ROBO1: variants seen among roughly 807,000 people sequenced by gnomAD.
ROBO1 encodes roundabout homolog 1.
Under a neutral mutation model 195.9 loss-of-function variants are expected in ROBO1, and 149 were observed. The observed-to-expected ratio is 0.76, with a 90% CI of 0.67 to 0.87. ROBO1 has a LOEUF of 0.87. Among genes scored for constraint, ROBO1 ranks in the 40% least tolerant of loss-of-function variants. ROBO1 has a pLI of 0.00. For synonymous variants in ROBO1, 816 were observed against 733.2 expected, an observed-to-expected ratio of 1.11 and a Z score of -1.82; for missense variants, 1,933 against 2,068.3, an observed-to-expected ratio of 0.93 and a Z score of 1.27.
At chr3:79,727,570 G>A (rs1702974770) in intron 1 of ROBO1, among the ~76,000 whole-genome samples, 1 of 152,104 alleles carries the variant, frequency 6.6e-6, no homozygotes, top group Non-Finnish European at 1.5e-5. Flanking sequence ...TTGAAACCAT[G>A]AGTGTTTCTA....
chr3:79,673,167 T>C (rs1430766118), intron 1 of ROBO1, among the ~76,000 whole-genome samples: 1 of 152,008 alleles, frequency 6.6e-6, no homozygotes, highest in Non-Finnish European at 1.5e-5. Flanking sequence ...AATTGATTTG[T>C]TGTTTTATGT....
intron 2 of ROBO1, among the ~76,000 whole-genome samples, chr3:79,217,123 C>A (rs1157796888): frequency 6.6e-6 from 1 of 152,062 alleles, no homozygotes; most frequent in African/African-American, 2.4e-5. Flanking sequence ...ATACATAATT[C>A]TTGTTACAGT....
intron 2 of ROBO1, among the ~76,000 whole-genome samples, chr3:79,248,288 C>T (rs2082660021): frequency 7.0e-6 from 1 of 142,556 alleles, no homozygotes; most frequent in Non-Finnish European, 1.5e-5. Flanking sequence ...CATTGTGTGC[C>T]AGACACACAA....
At position 79,347,128 on chromosome 3, in the gene ROBO1, C is replaced by T. The variant is rs115698968; in HGVS notation, c.89-221589G>A. Among the ~76,000 whole-genome samples the T allele has an allele frequency of 9.1e-4, 139 of 152,116 alleles. 1 individual carries two copies. The highest frequency in any genetic ancestry group is 3.2e-3 in the African/African-American group (131 of 41,538). ...CATGAAAACAAATATAACCCCATTT[C>T]GACAGTATTTATACCTAGGGGTTGA... On this transcript the variant is annotated intron_variant, in intron 2 of 30. Transcript: ENST00000464233.
At chr3:79,392,443 C>A (rs1396404735) in intron 2 of ROBO1, among the ~76,000 whole-genome samples, 1 of 151,794 alleles carries the variant, frequency 6.6e-6, no homozygotes, top group African/African-American at 2.4e-5. Flanking sequence ...TTGACGGCAC[C>A]CATGGAGAAA....
At chr3:79,179,433 C>T (rs964982447) in intron 2 of ROBO1, among the ~76,000 whole-genome samples, 4 of 152,122 alleles carry the variant, frequency 2.6e-5, no homozygotes, top group Admixed American at 2.0e-4. Flanking sequence ...GCTTACTTTC[C>T]GGTAAGGATG....
At chr3:79,700,297 GTGTGTT>G (rs1380718427) in intron 1 of ROBO1, among the ~76,000 whole-genome samples, 96 of 130,788 alleles carry the variant, frequency 7.3e-4, no homozygotes, top group African/African-American at 2.8e-3. Context: ...ACGTGTGTGT[GTGTGTT>G]TGTGTGTGTG....
At chr3:78,645,398 T>C (rs774140350) in intron 21 of ROBO1, among the ~76,000 whole-genome samples, 15 of 151,412 alleles carry the variant, frequency 9.9e-5, no homozygotes, top group Non-Finnish European at 2.2e-4. Context: ...AAGATGGTTT[T>C]GGTTGGAAGA....
chr3:79,497,967 G>T (rs1380900602), intron 2 of ROBO1, among the ~76,000 whole-genome samples: 1 of 151,834 alleles, frequency 6.6e-6, no homozygotes, highest in East Asian at 1.9e-4. Flanking sequence ...ATAATAAATA[G>T]CTCAGGAATA....
intron 2 of ROBO1, among the ~76,000 whole-genome samples, chr3:79,271,621 T>C (rs2030566406): frequency 6.6e-6 from 1 of 152,084 alleles, no homozygotes; most frequent in Non-Finnish European, 1.5e-5. Context: ...CTGTCTCCTA[T>C]ATACAGTCTT....
rs558360102 is a variant in ROBO1 at position 79,003,699 on chromosome 3, G to A, written c.173-64772C>T. 9.9e-5 allele frequency among the ~76,000 whole-genome samples: 15 copies of A among 152,208 alleles called. No individual in the cohort carries two copies. In the South Asian group the frequency reaches 1.7e-3, roughly 17 times the overall value. ...GACATAATCCATTCAAGTTGACATG[G>A]CTAGTTGGTAATGAAGCAGGATTTC... is the stretch of plus-strand genomic sequence containing the variant. On this transcript the variant is annotated intron_variant, in intron 3 of 30. Transcript: ENST00000464233.
intron 4 of ROBO1, among the ~76,000 whole-genome samples, chr3:78,859,851 C>A (rs190324776): frequency 1.5e-3 from 229 of 152,090 alleles, no homozygotes; most frequent in African/African-American, 5.2e-3. Flanking sequence ...GAGGCCAAGG[C>A]GGGTGGATCA....
intron 4 of ROBO1, among the ~76,000 whole-genome samples, chr3:78,782,768 C>T (rs560667599): frequency 3.3e-5 from 5 of 152,264 alleles, no homozygotes; most frequent in South Asian, 2.1e-4. Context: ...TCTACTAGAA[C>T]ATTCATCACC....
chr3:78,919,407 T>C (rs943604336), intron 4 of ROBO1, among the ~76,000 whole-genome samples: 3 of 152,134 alleles, frequency 2.0e-5, no homozygotes, highest in Admixed American at 6.5e-5. Flanking sequence ...ATCAATTAAG[T>C]AGAATCAAAG....
At chr3:79,079,019 A>T (rs2079223461) in intron 3 of ROBO1, among the ~76,000 whole-genome samples, 2 of 151,748 alleles carry the variant, frequency 1.3e-5, no homozygotes, top group Admixed American at 1.3e-4. Flanking sequence ...ATGTACATAC[A>T]TGCTCTGAAT....
intron 4 of ROBO1, among the ~76,000 whole-genome samples, chr3:78,813,848 T>C (rs1289235883): frequency 1.3e-5 from 2 of 152,070 alleles, no homozygotes; most frequent in Non-Finnish European, 2.9e-5. Flanking sequence ...AGTTAACTAA[T>C]ATGTTGTTAA....
chr3:79,511,742 A>G (rs1408452407), intron 2 of ROBO1, among the ~76,000 whole-genome samples: 1 of 152,160 alleles, frequency 6.6e-6, no homozygotes, highest in Non-Finnish European at 1.5e-5. Context: ...ATGCAGCCAT[A>G]AAAAAGAACA....
intron 2 of ROBO1, among the ~76,000 whole-genome samples, chr3:79,578,442 AT>A (rs1943562306): frequency 6.6e-6 from 1 of 152,184 alleles, no homozygotes; most frequent in African/African-American, 2.4e-5. Flanking sequence ...GTATTGGTCA[AT>A]TTTTATTATA....
At chr3:78,764,636 A>C (rs1234856435) in intron 4 of ROBO1, among the ~76,000 whole-genome samples, 1 of 152,172 alleles carries the variant, frequency 6.6e-6, no homozygotes, top group African/African-American at 2.4e-5. Flanking sequence ...ATAGTAAGTA[A>C]TATCCTTGTA....
Sources: gnomAD v4.1 joint callset for allele counts (sites outside exome capture counted in the v4.1 genomes callset) on GRCh38, gnomAD v4.1.1 for gene constraint, MANE v1.5 for transcripts, NCBI Gene and HGNC (gene_info 2026-07-23, HGNC 2026-07-21) for gene names.